The following PLPP3 variants were observed in gnomAD, a reference collection of about 807,000 sequenced individuals.
The protein encoded by PLPP3 is phospholipid phosphatase 3.
A neutral mutation model predicts 29.6 loss-of-function variants in PLPP3; 6 were observed. The ratio of observed to expected loss-of-function variants is 0.20; its 90% CI spans 0.11 to 0.40. PLPP3 has a LOEUF of 0.40. PLPP3 is among the 10% of genes least tolerant of loss of function. The pLI, the probability that PLPP3 is intolerant of heterozygous loss-of-function variation, is 1.00. For synonymous variants in PLPP3, 152 were observed against 159.7 expected, an observed-to-expected ratio of 0.95 and a Z score of 0.36; for missense variants, 308 against 407.7, an observed-to-expected ratio of 0.76 and a Z score of 2.11.
At chr1:56,508,607 T>C (rs2100228787) in intron 5 of PLPP3, among the ~76,000 whole-genome samples, 1 of 152,268 alleles carries the variant, frequency 6.6e-6, no homozygotes, top group Non-Finnish European at 1.5e-5. Flanking sequence ...AGAACTTTGC[T>C]CCTTCCTGGC....
chr1:56,510,855 A>C (rs116368675), intron 5 of PLPP3, among the ~76,000 whole-genome samples: 1,558 of 152,298 alleles, frequency 0.01, 24 homozygotes, highest in African/African-American at 0.036. Flanking sequence ...AAGAACTTAC[A>C]GCCTAAAAGA....
intron 1 of PLPP3, among the ~76,000 whole-genome samples, chr1:56,575,031 T>C (rs753252075): frequency 1.5e-4 from 23 of 152,240 alleles, no homozygotes; most frequent in Non-Finnish European, 3.1e-4. Flanking sequence ...TAGTTTGTGA[T>C]GATTCACAGA....
intron 2 of PLPP3, among the ~76,000 whole-genome samples, chr1:56,527,043 C>T (rs1645856857): frequency 6.6e-6 from 1 of 152,174 alleles, no homozygotes; most frequent in Admixed American, 6.5e-5. Context: ...ATTAGCATCT[C>T]TTTTATGAAT....
intron 1 of PLPP3, among the ~76,000 whole-genome samples, chr1:56,563,630 C>T (rs1270290689): frequency 6.6e-6 from 1 of 152,194 alleles, no homozygotes; most frequent in African/African-American, 2.4e-5. Context: ...CAGATTCTAG[C>T]AGAGCATTTT....
rs17114029 is a variant in PLPP3, at chr1:56,496,283, T to C, written c.*268A>G. The C allele has an allele frequency of 0.044, 12,557 of 288,602 alleles. 351 individuals carry two copies. Among genetic ancestry groups the C allele is most frequent in the South Asian group, 0.076 (1,674 of 21,982 alleles). 17.9% of individuals were successfully genotyped at this position (288,602 alleles called of 1,614,324 possible). On this transcript the variant is annotated 3_prime_UTR_variant, in exon 6 of 6. Coordinates refer to ENST00000371250, the MANE Select transcript of PLPP3 (RefSeq NM_003713.5). ...CTCAAATCGTTTTAGTGTTTGTTCC[T>C]GAACAAGCTGTGTTCACTAGAACAT...
intron 5 of PLPP3, among the ~76,000 whole-genome samples, chr1:56,504,833 G>A (rs1645692212): frequency 6.6e-6 from 1 of 152,062 alleles, no homozygotes. Flanking sequence ...CCTCAGTAGT[G>A]TATCCCATCC....
At chr1:56,575,842 T>C (rs72664390) in intron 1 of PLPP3, among the ~76,000 whole-genome samples, 3,766 of 152,296 alleles carry the variant, frequency 0.025, 103 homozygotes, top group East Asian at 0.13. Context: ...TGTTCCTCCC[T>C]TCTTACCTGG....
intron 2 of PLPP3, 35 bp downstream of exon 2, chr1:56,536,920 G>C: frequency 6.2e-7 from 1 of 1,608,772 alleles, no homozygotes; most frequent in Non-Finnish European, 8.5e-7. Flanking sequence ...GAAGAAGTCA[G>C]ACAGGATCCA....
At chr1:56,529,439 AGTT>A (rs1215820025) in intron 2 of PLPP3, among the ~76,000 whole-genome samples, 14 of 152,324 alleles carry the variant, frequency 9.2e-5, no homozygotes, top group African/African-American at 3.4e-4. Flanking sequence ...CAGAGGGTCA[AGTT>A]GTTCTTTTAC....
chr1:56,537,427 C>A lies in PLPP3; in HGVS notation c.140-315G>T, dbSNP rs141007116. On this transcript the variant is annotated intron_variant, in intron 1 of 5. Transcript: ENST00000371250. Reference sequence around the variant, plus strand: ...TACAATACCCTGCTAAAAATTAAAGCCCGAATCGCAACATTTACTAATATA... The same window carrying A: ...TACAATACCCTGCTAAAAATTAAAGACCGAATCGCAACATTTACTAATATA... Among the ~76,000 whole-genome samples, 3 of 152,224 alleles carry A rather than the reference C, an allele frequency of 2.0e-5. No individual in the cohort carries two copies. The East Asian group carries it at 5.8e-4, about 30-fold the overall frequency.
intron 1 of PLPP3, among the ~76,000 whole-genome samples, chr1:56,559,415 T>C (rs1007746343): frequency 1.7e-5 from 1 of 58,004 alleles, no homozygotes; most frequent in Non-Finnish European, 4.6e-5. Context: ...AACATAATCA[T>C]ATGGTTAATT....
chr1:56,523,222 G>C (rs987138197), intron 4 of PLPP3, among the ~76,000 whole-genome samples: 2 of 152,146 alleles, frequency 1.3e-5, no homozygotes, highest in African/African-American at 4.8e-5. Context: ...TAAATACTTA[G>C]GTAATGATGA....
chr1:56,525,571 G>T (rs2100251454), intron 2 of PLPP3, among the ~76,000 whole-genome samples: 1 of 152,220 alleles, frequency 6.6e-6, no homozygotes, highest in Non-Finnish European at 1.5e-5. Flanking sequence ...GGGGACAGCT[G>T]ATGTTCTGTA....
intron 5 of PLPP3, among the ~76,000 whole-genome samples, chr1:56,498,638 C>CTT (rs559651197): frequency 1.5e-4 from 22 of 144,786 alleles, no homozygotes; most frequent in Admixed American, 7.6e-4. Flanking sequence ...TCACTACTTT[C>CTT]TTTTTTTTTT....
chr1:56,556,926 A>AAGAGAG (rs777875866), intron 1 of PLPP3, among the ~76,000 whole-genome samples: 2 of 124,424 alleles, frequency 1.6e-5, no homozygotes, highest in African/African-American at 6.8e-5. Flanking sequence ...GGGAGAAAGA[A>AAGAGAG]AGAGAGAGAG....
At chr1:56,541,008 A>T (rs1475601418) in intron 1 of PLPP3, among the ~76,000 whole-genome samples, 1 of 152,184 alleles carries the variant, frequency 6.6e-6, no homozygotes, top group Non-Finnish European at 1.5e-5. Flanking sequence ...AAGTCAATAC[A>T]TCATAGTACC....
intron 2 of PLPP3, among the ~76,000 whole-genome samples, chr1:56,528,943 G>A (rs2100255748): frequency 6.6e-6 from 1 of 151,422 alleles, no homozygotes; most frequent in Admixed American, 6.6e-5. Flanking sequence ...CACTCTATTT[G>A]TAAATTATCC....
chr1:56,505,299 A>C (rs943689288), intron 5 of PLPP3, among the ~76,000 whole-genome samples: 1 of 152,244 alleles, frequency 6.6e-6, no homozygotes, highest in Non-Finnish European at 1.5e-5. Context: ...ATGGGATTGG[A>C]AAAGGTGGCT....
At chr1:56,502,090 C>T (rs752373271) in intron 5 of PLPP3, among the ~76,000 whole-genome samples, 1 of 152,156 alleles carries the variant, frequency 6.6e-6, no homozygotes, top group African/African-American at 2.4e-5. Context: ...GAACCAAGTA[C>T]ACCAGAAATA....
Sources: gnomAD v4.1 joint callset for allele counts (sites outside exome capture counted in the v4.1 genomes callset) on GRCh38, gnomAD v4.1.1 for gene constraint, MANE v1.5 for transcripts, NCBI Gene and HGNC (gene_info 2026-07-23, HGNC 2026-07-21) for gene names.